Variants in C3orf22 observed in about 807,000 individuals in gnomAD.
C3orf22 encodes chromosome 3 open reading frame 22.
C3orf22 carries 7 observed loss-of-function variants against 10.8 expected under a neutral mutation model. The ratio of observed to expected loss-of-function variants is 0.65; its 90% confidence interval spans 0.37 to 1.22. The LOEUF is 1.22. Among genes scored for constraint, C3orf22 ranks in the 50% most tolerant of loss-of-function variants. C3orf22 has a pLI of 0.02. For synonymous variants in C3orf22, 79 were observed against 78.9 expected (o/e 1.00, Z 0.00); for missense variants, 173 against 177.0 (o/e 0.98, Z 0.13).
intron 4 of C3orf22, among the ~76,000 whole-genome samples, chr3:126,535,254 G>A (rs1468637725): frequency 1.5e-4 from 22 of 151,254 alleles, no homozygotes; most frequent in Non-Finnish European, 3.1e-4. Context: ...TCAGCTGGGA[G>A]ACAGACAGAC....
At chr3:126,548,229 A>C (rs1937100716), downstream of C3orf22, among the ~76,000 whole-genome samples, 1 of 152,186 alleles carries the variant, frequency 6.6e-6, no homozygotes, top group Non-Finnish European at 1.5e-5. Context: ...TCCTGGGCTC[A>C]AGTGATCCAC....
At chr3:126,542,398 C>T in intron 4 of C3orf22, 1 of 1,551,006 alleles carries the variant, frequency 6.4e-7, no homozygotes, top group Non-Finnish European at 8.7e-7. Context: ...GCCTGGCGGG[C>T]GCATCCGACC....
chr3:126,552,872 G>A (rs574848593), intron 2 of C3orf22, among the ~76,000 whole-genome samples: 2 of 152,382 alleles, frequency 1.3e-5, no homozygotes, highest in Admixed American at 6.5e-5. Flanking sequence ...TCTTTGGCCC[G>A]TGGCTCTGTC....
At chr3:126,541,924 G>A in intron 4 of C3orf22, 2 of 1,596,888 alleles carry the variant, frequency 1.3e-6, no homozygotes. Flanking sequence ...AGCGCGTGCT[G>A]CTGGCGCTGA....
intron 4 of C3orf22, among the ~76,000 whole-genome samples, chr3:126,535,455 G>GAGAC (rs1304068503): frequency 6.6e-6 from 1 of 151,304 alleles, no homozygotes; most frequent in East Asian, 2.0e-4. Flanking sequence ...CCTCAGCCGG[G>GAGAC]AGACAGACAG....
rs1370027198 is a variant in C3orf22 at position 126,553,411 on chromosome 3, G to A, written c.-21C>T. 5 of 1,611,812 alleles carry A rather than the reference G, an allele frequency of 3.1e-6. No homozygotes were observed. Among genetic ancestry groups the A allele is most frequent in the Middle Eastern group, 1.6e-4 (1 of 6,080 alleles). ...TCCATCACTGAGTGGGTTAAGCTGA[G>A]GCACACCTCTCAGCCATGGCTGGAA... is the stretch of plus-strand genomic sequence containing the variant. On this transcript the variant is annotated 5_prime_UTR_variant, in exon 2 of 4. Transcript: ENST00000318225.
chr3:126,548,809 A>G (rs113290172), downstream of C3orf22, among the ~76,000 whole-genome samples: 501 of 152,278 alleles, frequency 3.3e-3, 5 homozygotes, highest in African/African-American at 0.011. Flanking sequence ...CTGGGAAGCC[A>G]ACCCCCTTCA....
At chr3:126,554,286 C>A (rs1392215654) in intron 1 of C3orf22, among the ~76,000 whole-genome samples, 51 of 128,536 alleles carry the variant, frequency 4.0e-4, no homozygotes, top group African/African-American at 1.5e-3. Flanking sequence ...TTTTTTGAGA[C>A]GAAGTCTCGC....
chr3:126,552,204 C>A, intron 2 of C3orf22, 82 bp from the exon 3 acceptor site: 4 of 1,594,356 alleles, frequency 2.5e-6, no homozygotes, highest in Non-Finnish European at 3.4e-6. Context: ...AACTTTCCAT[C>A]TGCTAGGCAC....
chr3:126,538,009 G>C (rs1344108210), intron 4 of C3orf22, among the ~76,000 whole-genome samples: 1 of 152,220 alleles, frequency 6.6e-6, no homozygotes, highest in African/African-American at 2.4e-5. Context: ...CATAGGTCCA[G>C]CTTTAGAGTC....
At chr3:126,531,735 C>T (rs1163164005) in intron 4 of C3orf22, among the ~76,000 whole-genome samples, 1 of 152,124 alleles carries the variant, frequency 6.6e-6, no homozygotes, top group Admixed American at 6.5e-5. Flanking sequence ...GGGTTGTTTC[C>T]ATTTTGGGGC....
At chr3:126,536,022 G>A (rs1156697272) in intron 4 of C3orf22, among the ~76,000 whole-genome samples, 1 of 152,186 alleles carries the variant, frequency 6.6e-6, no homozygotes, top group Non-Finnish European at 1.5e-5. Flanking sequence ...CTCTTGCCTA[G>A]TACCCTCCAA....
At chr3:126,542,552 G>T in intron 4 of C3orf22, 1 of 1,514,112 alleles carries the variant, frequency 6.6e-7, no homozygotes, top group Non-Finnish European at 8.8e-7. Context: ...CAACTACTCC[G>T]CCCCCTCCTA....
At chr3:126,527,984 A>T (rs1400856573) in intron 5 of C3orf22, 1 of 151,960 alleles carries the variant, frequency 6.6e-6, no homozygotes, top group Non-Finnish European at 1.5e-5. Context: ...TTTTCTTTCC[A>T]TTCTACAGGG....
At chr3:126,528,150 G>A (rs1936573765) in intron 5 of C3orf22, among the ~76,000 whole-genome samples, 1 of 151,696 alleles carries the variant, frequency 6.6e-6, no homozygotes. Context: ...GTGGGGCTCT[G>A]GGTCCTTGAG....
intron 3 of C3orf22, among the ~76,000 whole-genome samples, chr3:126,550,866 C>T (rs1338386694): frequency 6.6e-6 from 1 of 152,288 alleles, no homozygotes; most frequent in East Asian, 1.9e-4. Flanking sequence ...GGTTCAGCCC[C>T]AGGCCTCTGC....
chr3:126,558,089 AG>A (rs1937395006), intron 1 of C3orf22, among the ~76,000 whole-genome samples: 1 of 152,264 alleles, frequency 6.6e-6, no homozygotes, highest in Admixed American at 6.5e-5. Context: ...GACAGGCAGC[AG>A]GGCCACAGCA....
intron 4 of C3orf22, among the ~76,000 whole-genome samples, chr3:126,529,787 C>T (rs1936612990): frequency 6.6e-6 from 1 of 152,206 alleles, no homozygotes; most frequent in Admixed American, 6.5e-5. Context: ...CCCTTCTCTC[C>T]CCTGTCTCCC....
At chr3:126,542,522 A>C in intron 4 of C3orf22, 1 of 1,545,414 alleles carries the variant, frequency 6.5e-7, no homozygotes, top group Non-Finnish European at 8.7e-7. Flanking sequence ...CGACCTCTAC[A>C]AGATGGACTT....
Sources: gnomAD v4.1 joint callset for allele counts (sites outside exome capture counted in the v4.1 genomes callset) on GRCh38, gnomAD v4.1.1 for gene constraint, MANE v1.5 for transcripts, NCBI Gene and HGNC (gene_info 2026-07-23, HGNC 2026-07-21) for gene names.